Variants in PPP1R37 observed in about 807,000 individuals in gnomAD.
The protein encoded by PPP1R37 is protein phosphatase 1 regulatory subunit 37.
PPP1R37 carries 21 observed loss-of-function variants against 61.0 expected under a neutral mutation model. The observed-to-expected ratio is 0.34, with a 90% CI of 0.24 to 0.50. PPP1R37 has a LOEUF of 0.50. Ranked by LOEUF, PPP1R37 falls within the 20% of genes least tolerant of loss-of-function variation. The pLI is 0.98. For missense variants in PPP1R37, 910 were observed against 952.7 expected (o/e 0.96, Z 0.59); for synonymous variants, 443 against 433.5 (o/e 1.02, Z -0.27).
intron 1 of PPP1R37, among the ~76,000 whole-genome samples, chr19:45,138,139 C>T (rs1968561885): frequency 6.6e-6 from 1 of 152,154 alleles, no homozygotes; most frequent in Non-Finnish European, 1.5e-5. Context: ...AAACAAAACA[C>T]CGAGACAGTG....
At position 45,110,012 on chromosome 19, in the gene PPP1R37, A is replaced by G. The variant is rs181143972; in HGVS notation, c.202+16485A>G. ...TCCAGTGTAAGCTTCTTGAGATGGGATGTCTGGCTTTTTTGTTCACCAGTG... is the reference window on the plus strand; with the variant it reads ...TCCAGTGTAAGCTTCTTGAGATGGGGTGTCTGGCTTTTTTGTTCACCAGTG... On this transcript the variant is annotated intron_variant, in intron 1 of 12. Coordinates refer to ENST00000221462, the MANE Select transcript of PPP1R37 (RefSeq NM_019121.2). 2.9e-3 allele frequency among the ~76,000 whole-genome samples: 444 copies of G among 152,092 alleles called. 2 individuals are homozygous for G. The highest frequency in any genetic ancestry group is 1.0e-2 in the African/African-American group (414 of 41,478).
chr19:45,145,870 C>T lies in PPP1R37; in HGVS notation c.1814C>T (p.Pro605Leu), dbSNP rs971511446. The T allele has an allele frequency of 1.0e-5, 16 of 1,530,324 alleles. No homozygotes were observed. The highest frequency in any genetic ancestry group is 1.3e-5 in the Non-Finnish European group (15 of 1,144,634). 94.8% of individuals were successfully genotyped at this position (1,530,324 alleles called of 1,614,324 possible). A position where few individuals can be genotyped will look rare whatever the true frequency, so the allele number is the denominator to read the frequency against. ...PPSPPASPSL[P>L]PAGAIDTRDT... Reference sequence around the variant, plus strand: ...TCCCCACCCGCCTCACCTTCCCTACCACCAGCCGGGGCCATTGACACCCGG... The same window carrying T: ...TCCCCACCCGCCTCACCTTCCCTACTACCAGCCGGGGCCATTGACACCCGG... The change falls in exon 11 of 13, where the codon CCA becomes CTA. Residue 605 changes from proline (P) to leucine (L), a missense_variant. By Grantham distance (98) the Pro-to-Leu change is moderately conservative. Transcript: ENST00000221462.
chr19:45,101,208 A>G (rs543914998), intron 1 of PPP1R37, among the ~76,000 whole-genome samples: 109 of 152,288 alleles, frequency 7.2e-4, no homozygotes, highest in African/African-American at 2.5e-3. Context: ...GGACGTCACC[A>G]AGGAAATCCA....
chr19:45,135,327 T>C (rs148263673), intron 1 of PPP1R37, among the ~76,000 whole-genome samples: 397 of 152,346 alleles, frequency 2.6e-3, no homozygotes, highest in Non-Finnish European at 4.0e-3. Context: ...TCCACCCTGA[T>C]GCCACAGCCA....
At position 45,146,033 on chromosome 19, in the gene PPP1R37, C is replaced by G; in HGVS notation, c.1977C>G (p.Ser659Arg). 2 of 1,530,890 alleles carry G rather than the reference C, an allele frequency of 1.3e-6. No individual in the cohort carries two copies. The highest frequency in any genetic ancestry group is 2.5e-5 in the East Asian group (1 of 40,766). The allele number at this position is 1,530,890 out of a possible 1,614,324, so 94.8% of individuals were successfully genotyped here. A position where few individuals can be genotyped will look rare whatever the true frequency, so the allele number is the denominator to read the frequency against. ...CGGGGCCTGAGGTCAAGGGGGGCAG[C>G]TGCGGCCTGGAGCACGGTGAGAGGG... ...PPPGPEVKGG[S>R]CGLEHELSCS... The change falls in exon 11 of 13, where the codon AGC (serine) becomes AGG (arginine). Residue 659 changes from serine (S) to arginine (R), a missense_variant. Physicochemically the swap from Ser to Arg is moderately radical, Grantham distance 110. This residue lies in a region of PPP1R37 where 549 missense variants were observed against 505.1 expected (regional missense o/e 1.09). Transcript: ENST00000221462.
chr19:45,093,470 C>T lies in PPP1R37; in HGVS notation c.145C>T (p.Pro49Ser). The T allele has an allele frequency of 6.5e-7, 1 of 1,535,516 alleles. No homozygotes were observed. Among genetic ancestry groups the T allele is most frequent in the Non-Finnish European group, 8.7e-7 (1 of 1,146,734 alleles). Residue 49 changes from proline (P) to serine (S), a missense_variant, in exon 1 of 13, where the codon CCG (proline) becomes TCG (serine). Coordinates refer to ENST00000221462, the MANE Select transcript of PPP1R37 (RefSeq NM_019121.2). ...GGCTGCAGCCAAGCGCGTCACATTC[C>T]CGTCCGACGAGGATATCGTGTCTGG... is the stretch of plus-strand genomic sequence containing the variant. ...LKAAAKRVTFPSDEDIVSGAV... is the reference protein window; with the variant it reads ...LKAAAKRVTFSSDEDIVSGAV...
rs934050234 is a variant in PPP1R37 at position 45,130,997 on chromosome 19, G to A, written c.203-7517G>A. Among the ~76,000 whole-genome samples, 2 of 152,006 alleles carry A rather than the reference G, an allele frequency of 1.3e-5. No individual in the cohort carries two copies. The highest frequency in any genetic ancestry group is 1.9e-4 in the East Asian group (1 of 5,176). On this transcript the variant is annotated intron_variant, in intron 1 of 12. Transcript: ENST00000221462. This position sits in a 1 kb window ranked among gnomAD's most constrained non-coding sequence, Gnocchi z 4.4. ...TTGGATGACTGTGTCTGTTTCCCCC[G>A]CCCTGCTCCAGGCTGGCACGGATGG... is the stretch of plus-strand genomic sequence containing the variant.
chr19:45,127,106 G>T (rs13345307), intron 1 of PPP1R37, among the ~76,000 whole-genome samples: 5,350 of 152,198 alleles, frequency 0.035, 316 homozygotes, highest in African/African-American at 0.12. Context: ...TCCCAGCACT[G>T]TGGGAGTTCT....
At chr19:45,095,489 G>A (rs146931749) in intron 1 of PPP1R37, among the ~76,000 whole-genome samples, 430 of 149,408 alleles carry the variant, frequency 2.9e-3, no homozygotes, top group African/African-American at 0.01. Flanking sequence ...TGGGCCGGAC[G>A]CCATGGTTCA....
At chr19:45,143,701 C>A in intron 8 of PPP1R37, 68 bp downstream of exon 8, 2 of 917,166 alleles carry the variant, frequency 2.2e-6, no homozygotes, top group Non-Finnish European at 3.4e-6. Context: ...CAGCTCTCAG[C>A]ACAGTTGCCT....
At position 45,144,844 on chromosome 19, in the gene PPP1R37, C is replaced by G; in HGVS notation, c.988-10C>G. The G allele has an allele frequency of 6.6e-7, 1 of 1,525,406 alleles. No homozygotes were observed. The highest frequency in any genetic ancestry group is 8.8e-7 in the Non-Finnish European group (1 of 1,140,414). The allele number at this position is 1,525,406 out of a possible 1,614,324, so 94.5% of individuals were successfully genotyped here. On this transcript the variant is annotated splice_polypyrimidine_tract_variant and intron_variant, in intron 8 of 12. Transcript: ENST00000221462. The stretch of plus-strand genomic sequence containing the variant: ...GGCCTCCTCCTCACCCTCACACCCC[C>G]TCCCTCCAGCCGCACACTCAGAGCC...
At chr19:45,135,998 G>C (rs2053004700) in intron 1 of PPP1R37, 1 of 152,104 alleles carries the variant, frequency 6.6e-6, no homozygotes, top group Non-Finnish European at 1.5e-5. Flanking sequence ...GCCCCGGCTG[G>C]TCTTGAAATC....
rs1033245019 is a variant in PPP1R37, at chr19:45,146,684, G to GC, written c.*128dup. ...TGCCAGGGGTGGGGGCCATTCTGGGGCCCCCCTCCCCCCACAGCAACACTA... is the reference window on the plus strand; with the variant it reads ...TGCCAGGGGTGGGGGCCATTCTGGGGCCCCCCCTCCCCCCACAGCAACACTA... On this transcript the variant is annotated 3_prime_UTR_variant, in exon 13 of 13. Coordinates refer to ENST00000221462, the MANE Select transcript of PPP1R37 (RefSeq NM_019121.2). The GC allele has an allele frequency of 1.3e-5, 7 of 532,128 alleles. No individual in the cohort carries two copies. The highest frequency in any genetic ancestry group is 3.8e-5 in the African/African-American group (2 of 52,176). 33.0% of individuals were successfully genotyped at this position (532,128 alleles called of 1,614,324 possible).
intron 1 of PPP1R37, among the ~76,000 whole-genome samples, chr19:45,117,222 C>G (rs1395269138): frequency 6.6e-6 from 1 of 152,042 alleles, no homozygotes; most frequent in Admixed American, 6.6e-5. Flanking sequence ...CAGGAGGTGA[C>G]TTTCGAGTTG....
intron 1 of PPP1R37, among the ~76,000 whole-genome samples, chr19:45,129,979 A>G (rs934908287): frequency 6.6e-6 from 1 of 152,180 alleles, no homozygotes; most frequent in African/African-American, 2.4e-5. Context: ...CTTGACTCTG[A>G]AAAGGGGATA....
rs551901850 is a variant in PPP1R37, at chr19:45,116,976, C to T, written c.203-21538C>T. 1.2e-3 allele frequency among the ~76,000 whole-genome samples: 175 copies of T among 150,328 alleles called. 1 individual carries two copies. The highest frequency in any genetic ancestry group is 2.2e-3 in the Non-Finnish European group (146 of 67,702). Reference sequence around the variant, plus strand: ...TTGCCCAGGCTGGAGTGCAGTGGCACGATCTTGGCTCACTGCAGCCTCCAT... The same window carrying T: ...TTGCCCAGGCTGGAGTGCAGTGGCATGATCTTGGCTCACTGCAGCCTCCAT... On this transcript the variant is annotated intron_variant, in intron 1 of 12. Transcript: ENST00000221462.
chr19:45,123,093 A>G (rs1305557733), intron 1 of PPP1R37, among the ~76,000 whole-genome samples: 2 of 151,672 alleles, frequency 1.3e-5, no homozygotes, highest in South Asian at 2.1e-4. Context: ...CCCCGCCTCC[A>G]TGTCCCCTCC....
At position 45,125,706 on chromosome 19, in the gene PPP1R37, A is replaced by G. The variant is rs533709786; in HGVS notation, c.203-12808A>G. Among the ~76,000 whole-genome samples, 78 of 152,190 alleles carry G rather than the reference A, an allele frequency of 5.1e-4. 1 individual carries two copies. Among genetic ancestry groups the G allele is most frequent in the Non-Finnish European group, 9.7e-4 (66 of 67,988 alleles). On this transcript the variant is annotated intron_variant, in intron 1 of 12. Coordinates refer to ENST00000221462, the MANE Select transcript of PPP1R37 (RefSeq NM_019121.2). ...TGTAACAGAGGTTGTGGGACGGGGC[A>G]CCTATCCACTCCTAGAACCTTTGGG...
At chr19:45,144,825 C>G in intron 8 of PPP1R37, 29 bp from the exon 9 acceptor site, 1 of 1,509,014 alleles carries the variant, frequency 6.6e-7, no homozygotes, top group Non-Finnish European at 8.9e-7. Flanking sequence ...TCACGGCCTC[C>G]TCCTCACCCT....
Sources: gnomAD v4.1 joint callset for allele counts (sites outside exome capture counted in the v4.1 genomes callset) on GRCh38, gnomAD v4.1.1 for gene constraint, gnomAD v4.1.1 regional missense constraint, Gnocchi (gnomAD v3.1) non-coding constraint, MANE v1.5 for transcripts, NCBI Gene and HGNC (gene_info 2026-07-23, HGNC 2026-07-21) for gene names.